Variants in KDM6A observed in about 807,000 individuals in gnomAD.
KDM6A encodes lysine-specific demethylase 6A.
Under a neutral mutation model 117.6 loss-of-function variants are expected in KDM6A, and 11 were observed. The observed-to-expected ratio is 0.09, with a 90% CI of 0.06 to 0.15. The LOEUF is 0.15. Ranked by LOEUF, KDM6A falls within the 10% of genes least tolerant of loss-of-function variation. The probability of loss-of-function intolerance (pLI) is 1.00; values close to 1 mark genes in which losing one functional copy is unlikely to be tolerated. For synonymous variants in KDM6A, 384 were observed against 396.1 expected (o/e 0.97, Z 0.36); for missense variants, 799 against 1,077.3 (o/e 0.74, Z 3.62).
At chrX:45,077,897 A>G (rs759766896) in intron 19 of KDM6A, among the ~76,000 whole-genome samples, 1 of 111,525 alleles carries the variant, frequency 9.0e-6, no homozygotes, top group Non-Finnish European at 1.9e-5. Context: ...ATCTTGACAA[A>G]CTGAAACTAC....
chrX:44,995,196 A>C (rs1202868140), intron 4 of KDM6A, among the ~76,000 whole-genome samples: 1 of 110,858 alleles, frequency 9.0e-6, no homozygotes, highest in Non-Finnish European at 1.9e-5. Flanking sequence ...TCTGTGTGGT[A>C]CCTAATTTGT....
intron 2 of KDM6A, among the ~76,000 whole-genome samples, chrX:44,930,456 T>C (rs2036558976): frequency 8.9e-6 from 1 of 111,976 alleles, no homozygotes; most frequent in African/African-American, 3.2e-5. Context: ...AATAGGCTTC[T>C]CTAAGTAGCT....
chrX:45,078,529 A>G (rs1324220551), intron 20 of KDM6A, 24 bp downstream of exon 20: 1 of 1,150,323 alleles, frequency 8.7e-7, no homozygotes, highest in East Asian at 3.0e-5. Context: ...TAAAAAAGGA[A>G]AACGTTTGTC....
chrX:44,927,581 C>T (rs948925458), intron 2 of KDM6A, among the ~76,000 whole-genome samples: 1 of 110,554 alleles, frequency 9.0e-6, no homozygotes, highest in Non-Finnish European at 1.9e-5. Context: ...GTCTACTCAC[C>T]TGGCTCAATG....
At chrX:45,042,719 C>T (rs1602707276) in intron 8 of KDM6A, among the ~76,000 whole-genome samples, 1 of 106,484 alleles carries the variant, frequency 9.4e-6, no homozygotes, top group Admixed American at 9.8e-5. Flanking sequence ...GAAGAAGTTT[C>T]CCCACTTCTC....
chrX:45,075,563 T>C (rs1455868115), intron 18 of KDM6A, among the ~76,000 whole-genome samples: 2 of 111,587 alleles, frequency 1.8e-5, no homozygotes, highest in African/African-American at 3.2e-5. Context: ...TTGTTGTTTT[T>C]ACTTGGAGTT....
At chrX:45,097,804 A>T (rs183341968) in intron 27 of KDM6A, among the ~76,000 whole-genome samples, 117 of 112,037 alleles carry the variant, frequency 1.0e-3, no homozygotes, top group African/African-American at 3.5e-3. Flanking sequence ...TGTTTATCTG[A>T]GTAAGTCATT....
intron 12 of KDM6A, 31 bp downstream of exon 12, chrX:45,059,497 C>T (rs1396088714): frequency 2.0e-6 from 2 of 1,024,567 alleles, no homozygotes; most frequent in Non-Finnish European, 2.7e-6. Context: ...TTTTTTAAAG[C>T]CACATATTTC....
intron 4 of KDM6A, among the ~76,000 whole-genome samples, chrX:44,980,150 C>T (rs1226157875): frequency 9.4e-6 from 1 of 106,700 alleles, no homozygotes; most frequent in African/African-American, 3.6e-5. Flanking sequence ...GCCCACGCCA[C>T]CACGCCTGGC....
At chrX:44,917,809 T>C (rs1229362414) in intron 2 of KDM6A, among the ~76,000 whole-genome samples, 1 of 112,226 alleles carries the variant, frequency 8.9e-6, no homozygotes, top group Admixed American at 9.5e-5. Context: ...TTAATCTGAG[T>C]TTTAAGGCTG....
At chrX:45,061,089 T>A (rs997703090) in intron 14 of KDM6A, among the ~76,000 whole-genome samples, 2 of 111,504 alleles carry the variant, frequency 1.8e-5, no homozygotes, top group Non-Finnish European at 3.8e-5. Flanking sequence ...GTTTGGGCCA[T>A]AGTTTGAGGG....
Position 45,093,401 on chromosome X carries a change from C to CAA in KDM6A, c.4034+2546_4034+2547dup, listed in dbSNP as rs535520823. ...AAAAAAAAACAAACAAACAAACAAA[C>CAA]AAAAAAAAAACGGATCTAATTGCTG... is the stretch of plus-strand genomic sequence containing the variant. On this transcript the variant is annotated intron_variant, in intron 27 of 29. Transcript: ENST00000611820. Among the ~76,000 whole-genome samples the CAA allele has an allele frequency of 6.7e-3, 667 of 99,648 alleles. 7 individuals carry two copies. The highest frequency in any genetic ancestry group is 0.023 in the African/African-American group (638 of 27,379). The allele number at this position is 99,648 out of a possible 115,157, so 86.5% of individuals were successfully genotyped here. A position where few individuals can be genotyped will look rare whatever the true frequency, so the allele number is the denominator to read the frequency against.
chrX:45,068,786 TTCTTTC>T (rs758877055), intron 17 of KDM6A, among the ~76,000 whole-genome samples: 2,502 of 85,428 alleles, frequency 0.029, 79 homozygotes, highest in African/African-American at 0.094. Context: ...CTCCTCTCTC[TTCTTTC>T]TCTTTCTCTT....
At chrX:44,956,365 T>C (rs2038323345) in intron 2 of KDM6A, among the ~76,000 whole-genome samples, 1 of 111,416 alleles carries the variant, frequency 9.0e-6, no homozygotes. Context: ...TTAAATTTCC[T>C]TCCGTTTCCT....
At chrX:45,041,656 C>A (rs1415313078) in intron 8 of KDM6A, among the ~76,000 whole-genome samples, 2 of 106,684 alleles carry the variant, frequency 1.9e-5, no homozygotes, top group East Asian at 6.1e-4. Context: ...AGACGATGGG[C>A]GGCCGGGCAG....
chrX:45,022,434 A>C (rs1291784078), intron 6 of KDM6A, among the ~76,000 whole-genome samples: 2 of 111,251 alleles, frequency 1.8e-5, no homozygotes, highest in Admixed American at 9.5e-5. Context: ...CGAGTCCATG[A>C]TATTTCTCGT....
intron 5 of KDM6A, among the ~76,000 whole-genome samples, chrX:45,012,445 C>T (rs982707822): frequency 1.8e-5 from 2 of 109,948 alleles, no homozygotes; most frequent in Admixed American, 9.7e-5. Flanking sequence ...TCAAGTGATC[C>T]GCCCACCTCA....
At chrX:44,875,969 C>T (rs763913532) in intron 2 of KDM6A, among the ~76,000 whole-genome samples, 3 of 111,777 alleles carry the variant, frequency 2.7e-5, no homozygotes, top group East Asian at 5.6e-4. Flanking sequence ...AAAAAGTAAC[C>T]ATTTTCAAAT....
At chrX:45,106,867 G>A in intron 27 of KDM6A, 2 of 234,450 alleles carry the variant, frequency 8.5e-6, no homozygotes, top group South Asian at 9.9e-5. Context: ...ATAGTTAAAC[G>A]AATATTGTAT....
Sources: gnomAD v4.1 joint callset for allele counts (sites outside exome capture counted in the v4.1 genomes callset) on GRCh38, gnomAD v4.1.1 for gene constraint, MANE v1.5 for transcripts, NCBI Gene and HGNC (gene_info 2026-07-23, HGNC 2026-07-21) for gene names.